Variants in USP38 observed in about 807,000 individuals in gnomAD.
The protein encoded by USP38 is ubiquitin carboxyl-terminal hydrolase 38.
USP38 carries 49 observed loss-of-function variants against 94.3 expected under a neutral mutation model. That is an observed-to-expected ratio of 0.52 (90% confidence interval 0.41 to 0.66). The LOEUF is 0.66. USP38 is among the 30% of genes least tolerant of loss of function. The pLI is 0.00. For missense variants in USP38, 1,128 were observed against 1,229.4 expected, an observed-to-expected ratio of 0.92 and a Z score of 1.23; for synonymous variants, 468 against 463.6, an observed-to-expected ratio of 1.01 and a Z score of -0.12.
chr4:143,197,241 A>G (rs1345903069), intron 3 of USP38, among the ~76,000 whole-genome samples: 1 of 152,200 alleles, frequency 6.6e-6, no homozygotes, highest in Non-Finnish European at 1.5e-5. Context: ...GGCTTATTCA[A>G]TTCCTTCAGT....
chr4:143,196,940 T>A (rs1258903093), intron 3 of USP38, among the ~76,000 whole-genome samples: 1 of 152,202 alleles, frequency 6.6e-6, no homozygotes, highest in African/African-American at 2.4e-5. Flanking sequence ...TGATACCACC[T>A]TTAGAATATA....
At chr4:143,212,267 G>C (rs371873720) in intron 7 of USP38, 51 bp from the exon 8 acceptor site, 3 of 1,425,516 alleles carry the variant, frequency 2.1e-6, no homozygotes, top group Middle Eastern at 1.8e-4. Context: ...CAGTTACTTG[G>C]TTCATGCTAT....
chr4:143,213,893 T>C lies in USP38; in HGVS notation c.1917T>C (p.Ser639=). 6.2e-7 allele frequency: 1 copy of C among 1,613,856 alleles called. No individual in the cohort carries two copies. The highest frequency in any genetic ancestry group is 1.1e-5 in the South Asian group (1 of 91,080). The change falls in exon 9 of 10, where the codon AGT becomes AGC. Residue 639 remains serine (S), a synonymous_variant. Transcript: ENST00000307017. The stretch of plus-strand genomic sequence containing the variant: ...TCCAAGATCCAGCATCATCACCCAG[T>C]ATACAAGATGGTGGTCTAATGCAAG... ...MSVQDPASSP[S]IQDGGLMQAS...
At chr4:143,186,260 T>G in intron 1 of USP38, 128 bp downstream of exon 1, 1 of 905,982 alleles carries the variant, frequency 1.1e-6, no homozygotes, top group Non-Finnish European at 1.7e-6. Flanking sequence ...TCCTAATACC[T>G]CATCCCAAAT....
In USP38 at chr4:143,212,380, A is replaced by G. The variant is rs1338837048; in HGVS notation, c.1560A>G (p.Arg520=). Residue 520 remains arginine (R), a synonymous_variant, in exon 8 of 10, where the codon AGA becomes AGG. Transcript: ENST00000307017. ...CCAGACCTCCATGGTTTACTCCCAG[A>G]TCACAGCAAGACTGTTCTGAATACC... ...EASRPPWFTP[R]SQQDCSEYLR... 6 of 1,612,350 alleles carry G rather than the reference A, an allele frequency of 3.7e-6. No homozygotes were observed. In the African/African-American group the frequency reaches 6.7e-5, roughly 18 times the overall value.
At chr4:143,193,844 A>C (rs1731468375) in intron 2 of USP38, among the ~76,000 whole-genome samples, 1 of 152,184 alleles carries the variant, frequency 6.6e-6, no homozygotes, top group African/African-American at 2.4e-5. Flanking sequence ...CTAACACTTT[A>C]GGAGGCCGAG....
intron 2 of USP38, among the ~76,000 whole-genome samples, chr4:143,191,464 A>G (rs1351775611): frequency 1.3e-5 from 2 of 152,226 alleles, no homozygotes; most frequent in Non-Finnish European, 2.9e-5. Context: ...CTCAATGTTT[A>G]AAACATTGGA....
chr4:143,219,799 G>T (rs1174074565), intron 9 of USP38, among the ~76,000 whole-genome samples: 2 of 151,692 alleles, frequency 1.3e-5, no homozygotes, highest in Admixed American at 6.6e-5. Context: ...CATATGCTTG[G>T]CATCTAGATA....
chr4:143,216,039 G>A (rs1732174739), intron 9 of USP38, among the ~76,000 whole-genome samples: 1 of 151,996 alleles, frequency 6.6e-6, no homozygotes. Flanking sequence ...ACTAGTCAGA[G>A]GAGAAATATG....
In USP38 at chr4:143,207,268, C is replaced by T. The variant is rs568677451; in HGVS notation, c.1403+1042C>T. ...TGAAATGTCGAATTTGGTTGGGTGCCGTGGCTTGCGCCTGTAATCCCAGCA... is the reference window on the plus strand; with the variant it reads ...TGAAATGTCGAATTTGGTTGGGTGCTGTGGCTTGCGCCTGTAATCCCAGCA... On this transcript the variant is annotated intron_variant, in intron 6 of 9. Transcript: ENST00000307017. Among the ~76,000 whole-genome samples the T allele has an allele frequency of 4.8e-4, 73 of 152,144 alleles. 1 individual carries two copies. Among genetic ancestry groups the T allele is most frequent in the African/African-American group, 1.6e-3 (65 of 41,518 alleles).
chr4:143,207,340 C>A (rs566835438), intron 6 of USP38, among the ~76,000 whole-genome samples: 2 of 152,146 alleles, frequency 1.3e-5, no homozygotes, highest in Non-Finnish European at 2.9e-5. Context: ...GAATTTGAGA[C>A]CAGCCTGACC....
In USP38 at chr4:143,215,890, G is replaced by GA. The variant is rs527841146; in HGVS notation, c.2967+954dup. Among the ~76,000 whole-genome samples the GA allele has an allele frequency of 1.1e-4, 16 of 152,072 alleles. No homozygotes were observed. The South Asian group carries it at 2.7e-3, about 26-fold the overall frequency. The stretch of plus-strand genomic sequence containing the variant: ...AGTGACAAAAACAATAAACTTTACA[G>GA]AAAAAAATAGAAAATCAGAATATTT... On this transcript the variant is annotated intron_variant, in intron 9 of 9. Coordinates refer to ENST00000307017, the MANE Select transcript of USP38 (RefSeq NM_032557.6).
intron 4 of USP38, 88 bp from the exon 5 acceptor site, chr4:143,203,320 C>G: frequency 7.7e-7 from 1 of 1,291,342 alleles, no homozygotes; most frequent in African/African-American, 1.5e-5. Flanking sequence ...ATCTGCTGAT[C>G]ATATATCGTT....
chr4:143,195,739 C>T lies in USP38; in HGVS notation c.842C>T (p.Pro281Leu). Reference sequence around the variant, plus strand: ...AGAATGATTGACTGGCTATCCTGGCCATTGGCTCAGCATGTGGATACATGG... The same window carrying T: ...AGAATGATTGACTGGCTATCCTGGCTATTGGCTCAGCATGTGGATACATGG... ...LCRMIDWLSW[P>L]LAQHVDTWVI... The change falls in exon 3 of 10, where the codon CCA becomes CTA. Residue 281 changes from proline to leucine, a missense_variant. Coordinates refer to ENST00000307017, the MANE Select transcript of USP38 (RefSeq NM_032557.6). 6.2e-7 allele frequency: 1 copy of T among 1,605,592 alleles called. No individual in the cohort carries two copies. The highest frequency in any genetic ancestry group is 8.5e-7 in the Non-Finnish European group (1 of 1,176,964).
chr4:143,223,264 A>G lies in USP38; in HGVS notation c.*2808A>G, dbSNP rs972910305. On this transcript the variant is annotated 3_prime_UTR_variant, in exon 10 of 10. Transcript: ENST00000307017. ...CCACTGCCTCTCTTCCAGCTAAATA[A>G]TCAGAGAAGCAGGGCAGTATATCCC... is the stretch of plus-strand genomic sequence containing the variant. The G allele has an allele frequency of 5.3e-5, 8 of 152,088 alleles. No homozygotes were observed. The highest frequency in any genetic ancestry group is 4.6e-4 in the Admixed American group (7 of 15,250). 9.4% of individuals were successfully genotyped at this position (152,088 alleles called of 1,614,324 possible). A position where few individuals can be genotyped will look rare whatever the true frequency, so the allele number is the denominator to read the frequency against.
intron 5 of USP38, among the ~76,000 whole-genome samples, chr4:143,205,184 T>A (rs574152840): frequency 6.6e-6 from 1 of 152,188 alleles, no homozygotes; most frequent in Non-Finnish European, 1.5e-5. Context: ...ATAACTCATA[T>A]AGGCTCAGAA....
chr4:143,210,701 T>A (rs952322354), intron 7 of USP38, among the ~76,000 whole-genome samples: 1 of 151,968 alleles, frequency 6.6e-6, no homozygotes, highest in Admixed American at 6.6e-5. Flanking sequence ...TTTCTGGTTT[T>A]ACTTTCATTG....
rs543110152 is a variant in USP38, at chr4:143,213,705, C to G, written c.1729C>G (p.Arg577Gly). ...AGCAGCAGTACTAACAGAGACCCCT[C>G]GTACAAGTGACGGTGAGAAGACTTT... ...SKAAVLTETP[R>G]TSDGEKTLIE... is the part of the protein sequence containing the mutation. The change falls in exon 9 of 10, where the codon CGT becomes GGT. Residue 577 changes from arginine (R) to glycine (G), a missense_variant. Physicochemically the swap from Arg to Gly is moderately radical, Grantham distance 125. Coordinates refer to ENST00000307017, the MANE Select transcript of USP38 (RefSeq NM_032557.6). The G allele has an allele frequency of 6.2e-7, 1 of 1,613,704 alleles. No homozygotes were observed. Among genetic ancestry groups the G allele is most frequent in the South Asian group, 1.1e-5 (1 of 91,060 alleles).
intron 3 of USP38, among the ~76,000 whole-genome samples, chr4:143,197,217 C>G (rs778443379): frequency 6.6e-6 from 1 of 152,190 alleles, no homozygotes; most frequent in Non-Finnish European, 1.5e-5. Flanking sequence ...TGCTCTTGTC[C>G]CAGGTATTTG....
Sources: gnomAD v4.1 joint callset for allele counts (sites outside exome capture counted in the v4.1 genomes callset) on GRCh38, gnomAD v4.1.1 for gene constraint, MANE v1.5 for transcripts, NCBI Gene and HGNC (gene_info 2026-07-23, HGNC 2026-07-21) for gene names.